The following ANOS1 variants were observed in gnomAD, a reference collection of about 807,000 sequenced individuals.
ANOS1 encodes the protein anosmin 1, also known as anosmin-1.
In ANOS1, 6 loss-of-function variants were observed where a neutral mutation model predicts 59.0. The observed-to-expected ratio is 0.10, with a 90% CI of 0.06 to 0.20. The LOEUF (loss-of-function observed/expected upper bound fraction) is 0.20. Ranked by LOEUF, ANOS1 falls within the 10% of genes least tolerant of loss-of-function variation. ANOS1 has a pLI of 1.00. For missense variants in ANOS1, 433 were observed against 542.3 expected (o/e 0.80, Z 2.00); for synonymous variants, 217 against 223.4 (o/e 0.97, Z 0.25).
intron 2 of ANOS1, among the ~76,000 whole-genome samples, chrX:8,685,612 GAA>G (rs1174859876): frequency 1.3e-5 from 1 of 79,944 alleles, no homozygotes; most frequent in African/African-American, 5.7e-5. Flanking sequence ...AAGAAAGAAA[GAA>G]AGAAAGAAAG....
At chrX:8,576,553 C>CTGA (rs997497319) in intron 6 of ANOS1, among the ~76,000 whole-genome samples, 14 of 107,319 alleles carry the variant, frequency 1.3e-4, no homozygotes, top group Non-Finnish European at 2.5e-4. Flanking sequence ...TAGACAGTGG[C>CTGA]TGATGAGAGC....
chrX:8,639,848 T>G (rs922444544), intron 2 of ANOS1, among the ~76,000 whole-genome samples: 1 of 111,758 alleles, frequency 8.9e-6, no homozygotes, highest in Non-Finnish European at 1.9e-5. Context: ...CTTTGGGAAA[T>G]GTACTTGCTG....
intron 2 of ANOS1, among the ~76,000 whole-genome samples, chrX:8,688,834 C>A (rs1932561547): frequency 8.9e-6 from 1 of 111,987 alleles, no homozygotes; most frequent in Non-Finnish European, 1.9e-5. Flanking sequence ...GCTAAAATAA[C>A]CTGGAATGTT....
intron 1 of ANOS1, among the ~76,000 whole-genome samples, chrX:8,721,300 G>A (rs1932873319): frequency 9.0e-6 from 1 of 111,597 alleles, no homozygotes; most frequent in African/African-American, 3.3e-5. Flanking sequence ...ATACTAAGAA[G>A]TGGAGTCATT....
At chrX:8,623,714 A>G in intron 2 of ANOS1, 44 bp from the exon 3 acceptor site, 1 of 1,014,943 alleles carries the variant, frequency 9.9e-7, no homozygotes, top group Non-Finnish European at 1.4e-6. Flanking sequence ...ATGGAAACAA[A>G]CAAAGCTGAG....
intron 1 of ANOS1, among the ~76,000 whole-genome samples, chrX:8,726,096 T>C (rs774301489): frequency 1.0e-3 from 115 of 110,570 alleles, no homozygotes; most frequent in African/African-American, 3.4e-3. Context: ...AAGGGACACA[T>C]CGTAGGCTGG....
At chrX:8,648,987 C>T (rs1246566486) in intron 2 of ANOS1, among the ~76,000 whole-genome samples, 3 of 111,295 alleles carry the variant, frequency 2.7e-5, no homozygotes, top group Non-Finnish European at 3.8e-5. Flanking sequence ...GACCAATAAA[C>T]GGACAGTCTC....
chrX:8,670,397 T>C (rs749030815), intron 2 of ANOS1, among the ~76,000 whole-genome samples: 55 of 111,375 alleles, frequency 4.9e-4, no homozygotes, highest in Admixed American at 4.7e-3. Flanking sequence ...GGGATTGGAA[T>C]TGGCGTTGGC....
chrX:8,700,734 C>A (rs1932749963), intron 1 of ANOS1, among the ~76,000 whole-genome samples: 1 of 112,077 alleles, frequency 8.9e-6, no homozygotes, highest in Non-Finnish European at 1.9e-5. Flanking sequence ...TGGGGCCGGG[C>A]GTGGTGGCTC....
At chrX:8,588,487 A>C (rs1930559960) in intron 4 of ANOS1, among the ~76,000 whole-genome samples, 1 of 91,697 alleles carries the variant, frequency 1.1e-5, no homozygotes, top group Non-Finnish European at 2.4e-5. Context: ...ATTTAAGGAA[A>C]ACACTGCAAA....
chrX:8,686,681 G>A (rs900984484), intron 2 of ANOS1, among the ~76,000 whole-genome samples: 2 of 112,072 alleles, frequency 1.8e-5, no homozygotes, highest in African/African-American at 3.2e-5. Context: ...GGCCAGGCAT[G>A]GTGGCTCAGG....
chrX:8,725,278 C>T (rs1330606435), intron 1 of ANOS1, among the ~76,000 whole-genome samples: 1 of 110,505 alleles, frequency 9.0e-6, no homozygotes, highest in Non-Finnish European at 1.9e-5. Context: ...TGACTTAATA[C>T]AAGCAGTACC....
chrX:8,714,187 G>A (rs900645451), intron 1 of ANOS1, among the ~76,000 whole-genome samples: 9 of 111,852 alleles, frequency 8.0e-5, no homozygotes, highest in African/African-American at 2.0e-4. Flanking sequence ...GTAGAAACAT[G>A]TAATTTCTTG....
At chrX:8,564,913 AAAAAGGTT>A (rs1164474796) in intron 8 of ANOS1, among the ~76,000 whole-genome samples, 1 of 111,621 alleles carries the variant, frequency 9.0e-6, no homozygotes, top group Non-Finnish European at 1.9e-5. Flanking sequence ...CAAAGGAGAG[AAAAAGGTT>A]TATAATCATA....
At chrX:8,722,936 G>A (rs887480750) in intron 1 of ANOS1, among the ~76,000 whole-genome samples, 12 of 111,814 alleles carry the variant, frequency 1.1e-4, no homozygotes, top group Admixed American at 1.0e-3. Flanking sequence ...GTTCGACAAA[G>A]CAAGCAAAAA....
chrX:8,712,387 A>G (rs1328237294), intron 1 of ANOS1, among the ~76,000 whole-genome samples: 1 of 112,125 alleles, frequency 8.9e-6, no homozygotes, highest in Non-Finnish European at 1.9e-5. Flanking sequence ...CCACTTTGTC[A>G]CTTTCTGAGG....
chrX:8,658,977 C>T (rs758794417), intron 2 of ANOS1, among the ~76,000 whole-genome samples: 72 of 111,494 alleles, frequency 6.5e-4, no homozygotes, highest in African/African-American at 2.3e-3. Context: ...GTCTGTAATC[C>T]CAGCCCTTTG....
rs1475566597 is a variant in ANOS1 at position 8,530,671 on chromosome X, T to C, written c.*2324A>G. On this transcript the variant is annotated 3_prime_UTR_variant, in exon 14 of 14. Coordinates refer to ENST00000262648, the MANE Select transcript of ANOS1 (RefSeq NM_000216.4). ...CTGAACTAAAAATATCTGTCCAATG[T>C]CTATTACCCAGACAAAAGAAGCATG... 5 of 110,072 alleles carry C rather than the reference T, an allele frequency of 4.5e-5. No individual in the cohort carries two copies. The highest frequency in any genetic ancestry group is 2.0e-4 in the Admixed American group (2 of 10,231). The allele number at this position is 110,072 out of a possible 1,213,427, so 9.1% of individuals were successfully genotyped here.
chrX:8,614,856 G>A (rs1400247080), intron 3 of ANOS1, among the ~76,000 whole-genome samples: 2 of 47,489 alleles, frequency 4.2e-5, no homozygotes, highest in Middle Eastern at 0.014. Flanking sequence ...ATACTCCCCC[G>A]AGTAATATAA....
Sources: allele counts gnomAD v4.1 joint callset (sites outside exome capture counted in the v4.1 genomes callset), GRCh38; gene constraint gnomAD v4.1.1; transcripts MANE v1.5; gene names NCBI Gene and HGNC (gene_info 2026-07-23, HGNC 2026-07-21).